GET3: variants seen among roughly 807,000 people sequenced by gnomAD.
GET3 encodes the protein guided entry of tail-anchored proteins factor 3, ATPase, also known as ATPase GET3.
In GET3, 15 loss-of-function variants were observed where a neutral mutation model predicts 32.4. The ratio of observed to expected loss-of-function variants is 0.46; its 90% CI spans 0.31 to 0.71. The LOEUF (loss-of-function observed/expected upper bound fraction) is 0.71. Ranked by LOEUF, GET3 falls within the 30% of genes least tolerant of loss-of-function variation. The pLI is 0.05. For missense variants in GET3, 333 were observed against 459.0 expected (o/e 0.73, Z 2.51); for synonymous variants, 198 against 185.6 (o/e 1.07, Z -0.54).
At chr19:12,742,378 C>A (rs1967687750) in intron 2 of GET3, among the ~76,000 whole-genome samples, 1 of 151,666 alleles carries the variant, frequency 6.6e-6, no homozygotes, top group Non-Finnish European at 1.5e-5. Context: ...ATTACAGGCG[C>A]CCGCCACCAC....
chr19:12,738,443 C>T, intron 1 of GET3, 68 bp from the exon 2 acceptor site: 1 of 1,585,990 alleles, frequency 6.3e-7, no homozygotes, highest in South Asian at 1.1e-5. Context: ...ACCTACCACT[C>T]CCCTTGCAGA....
At chr19:12,746,377 C>T (rs949000753) in intron 4 of GET3, among the ~76,000 whole-genome samples, 1 of 152,172 alleles carries the variant, frequency 6.6e-6, no homozygotes, top group African/African-American at 2.4e-5. Flanking sequence ...AAGCAGTACA[C>T]CCACTTCGAC....
intron 2 of GET3, among the ~76,000 whole-genome samples, chr19:12,739,184 T>C (rs1967622908): frequency 6.6e-6 from 1 of 151,734 alleles, no homozygotes; most frequent in African/African-American, 2.4e-5. Context: ...TTTTTTTTTT[T>C]AGACACTCAA....
chr19:12,743,117 C>T (rs575715285), intron 2 of GET3, among the ~76,000 whole-genome samples: 5 of 152,262 alleles, frequency 3.3e-5, no homozygotes, highest in East Asian at 1.9e-4. Flanking sequence ...CTAAGGCCAG[C>T]GAGTTGGGTA....
At position 12,745,346 on chromosome 19, in the gene GET3, G is replaced by A; in HGVS notation, c.310-31G>A. The A allele has an allele frequency of 1.9e-6, 3 of 1,600,042 alleles. No homozygotes were observed. In the South Asian group the frequency reaches 3.3e-5, roughly 18 times the overall value. On this transcript the variant is annotated intron_variant, in intron 2 of 6. Coordinates refer to ENST00000357332, the MANE Select transcript of GET3 (RefSeq NM_004317.4). The surrounding 1 kb of genome is among the most constrained non-coding windows in gnomAD (Gnocchi z 5.0). ...TGGGAAGGCTCCCCCAGCAGTAGCAGCAACCTCAGTCTCATCCCTTTGGCC... is the reference window on the plus strand; with the variant it reads ...TGGGAAGGCTCCCCCAGCAGTAGCAACAACCTCAGTCTCATCCCTTTGGCC...
At chr19:12,743,821 T>C (rs1410110639) in intron 2 of GET3, among the ~76,000 whole-genome samples, 2 of 123,668 alleles carry the variant, frequency 1.6e-5, no homozygotes, top group Non-Finnish European at 3.3e-5. Flanking sequence ...CTCCGCCCCC[T>C]GGGGTTCATG....
At chr19:12,742,540 G>T (rs574335049) in intron 2 of GET3, among the ~76,000 whole-genome samples, 1 of 152,052 alleles carries the variant, frequency 6.6e-6, no homozygotes, top group South Asian at 2.1e-4. Context: ...TCAGCCTCCC[G>T]AGTAGCTGGG....
rs1967811693 is a variant in GET3, at chr19:12,748,191, C to T, written c.*87C>T. 1.5e-6 allele frequency: 2 copies of T among 1,315,474 alleles called. No individual in the cohort carries two copies. Among genetic ancestry groups the T allele is most frequent in the African/African-American group, 1.5e-5 (1 of 67,530 alleles). The allele number at this position is 1,315,474 out of a possible 1,614,324, so 81.5% of individuals were successfully genotyped here. A position where few individuals can be genotyped will look rare whatever the true frequency, so the allele number is the denominator to read the frequency against. ...GGGGCAGAGTTTGCACAAAGTCCCC[C>T]CCATAATACAGGGGGAGCCACTTGG... On this transcript the variant is annotated 3_prime_UTR_variant, in exon 7 of 7. Coordinates refer to ENST00000357332, the MANE Select transcript of GET3 (RefSeq NM_004317.4).
chr19:12,742,631 G>C (rs1967691992), intron 2 of GET3, among the ~76,000 whole-genome samples: 1 of 151,918 alleles, frequency 6.6e-6, no homozygotes, highest in South Asian at 2.1e-4. Flanking sequence ...AACCAGGATG[G>C]TCTCGATCTC....
At position 12,747,381 on chromosome 19, in the gene GET3, C is replaced by T. The variant is rs1469364444; in HGVS notation, c.718-14C>T. 1 of 1,613,960 alleles carries T rather than the reference C, an allele frequency of 6.2e-7. No homozygotes were observed. The highest frequency in any genetic ancestry group is 8.5e-7 in the Non-Finnish European group (1 of 1,179,956). ...CAGACCCCGCCCCTCACTGTCCTCT[C>T]TCGTGCCCTGTAGGAGCAGACAACT... On this transcript the variant is annotated splice_polypyrimidine_tract_variant and intron_variant, in intron 5 of 6. Coordinates refer to ENST00000357332, the MANE Select transcript of GET3 (RefSeq NM_004317.4). This position sits in a 1 kb window ranked among gnomAD's most constrained non-coding sequence, Gnocchi z 4.0.
chr19:12,738,901 C>T (rs1320073441), intron 2 of GET3, among the ~76,000 whole-genome samples: 1 of 152,200 alleles, frequency 6.6e-6, no homozygotes, highest in East Asian at 1.9e-4. Flanking sequence ...CCAATCAGAG[C>T]CACATGGTGT....
chr19:12,741,119 A>G (rs1169607912), intron 2 of GET3, among the ~76,000 whole-genome samples: 1 of 151,250 alleles, frequency 6.6e-6, no homozygotes, highest in African/African-American at 2.4e-5. Context: ...GTCAGGAGTT[A>G]AAGACCAGCC....
chr19:12,740,970 T>A (rs1036627470), intron 2 of GET3, among the ~76,000 whole-genome samples: 2 of 152,164 alleles, frequency 1.3e-5, no homozygotes, highest in Non-Finnish European at 2.9e-5. Flanking sequence ...CTTATTAAGG[T>A]AGCAGGGGGA....
chr19:12,742,737 G>A (rs1273611432), intron 2 of GET3, among the ~76,000 whole-genome samples: 4 of 152,014 alleles, frequency 2.6e-5, no homozygotes, highest in African/African-American at 4.8e-5. Flanking sequence ...AGTAGAGACG[G>A]GGTTTCAACA....
chr19:12,741,853 A>C (rs1967675117), intron 2 of GET3, among the ~76,000 whole-genome samples: 1 of 152,114 alleles, frequency 6.6e-6, no homozygotes, highest in Admixed American at 6.6e-5. Context: ...TGGGAGGCGG[A>C]GGTCACAGTG....
intron 2 of GET3, among the ~76,000 whole-genome samples, chr19:12,740,963 AT>A (rs1967656823): frequency 6.6e-6 from 1 of 152,224 alleles, no homozygotes; most frequent in Non-Finnish European, 1.5e-5. Flanking sequence ...ATAAACACTT[AT>A]TAAGGTAGCA....
chr19:12,741,652 G>A (rs548115983), intron 2 of GET3, among the ~76,000 whole-genome samples: 9 of 152,004 alleles, frequency 5.9e-5, no homozygotes, highest in African/African-American at 1.4e-4. Flanking sequence ...CCAGTTACAC[G>A]GGAGGCTGAG....
chr19:12,740,836 C>T (rs1226934204), intron 2 of GET3, among the ~76,000 whole-genome samples: 9 of 152,110 alleles, frequency 5.9e-5, no homozygotes, highest in Non-Finnish European at 1.3e-4. Flanking sequence ...GGAATTGGGG[C>T]ACTTCCCGGG....
In GET3 at chr19:12,745,176, C is replaced by T. The variant is rs952484270; in HGVS notation, c.310-201C>T. Among the ~76,000 whole-genome samples the T allele has an allele frequency of 6.6e-6, 1 of 152,082 alleles. No individual in the cohort carries two copies. The highest frequency in any genetic ancestry group is 1.9e-4 in the East Asian group (1 of 5,178). ...TGCAATTTTCCCCTTGTTTTTGACCCTTTATGCAACCATACAAAACCCTAA... is the reference window on the plus strand; with the variant it reads ...TGCAATTTTCCCCTTGTTTTTGACCTTTTATGCAACCATACAAAACCCTAA... On this transcript the variant is annotated intron_variant, in intron 2 of 6. Coordinates refer to ENST00000357332, the MANE Select transcript of GET3 (RefSeq NM_004317.4). This position sits in a 1 kb window ranked among gnomAD's most constrained non-coding sequence, Gnocchi z 5.0.
Sources: allele counts gnomAD v4.1 joint callset (sites outside exome capture counted in the v4.1 genomes callset), GRCh38; gene constraint gnomAD v4.1.1; non-coding constraint Gnocchi (gnomAD v3.1); transcripts MANE v1.5; gene names NCBI Gene and HGNC (gene_info 2026-07-23, HGNC 2026-07-21).